RHBDD1: variants seen among roughly 807,000 people sequenced by gnomAD.
RHBDD1 encodes rhomboid-related protein 4.
A neutral mutation model predicts 36.3 loss-of-function variants in RHBDD1; 38 were observed. The ratio of observed to expected loss-of-function variants is 1.05; its 90% CI spans 0.81 to 1.37. The LOEUF (loss-of-function observed/expected upper bound fraction) is 1.37, where lower values mean the gene tolerates loss of function less well. Among genes scored for constraint, RHBDD1 ranks in the 40% most tolerant of loss-of-function variants. The probability of loss-of-function intolerance (pLI) is 0.00; values close to 1 mark genes in which losing one functional copy is unlikely to be tolerated. For synonymous variants in RHBDD1, 151 were observed against 136.5 expected, an observed-to-expected ratio of 1.11 and a Z score of -0.74; for missense variants, 393 against 377.6, an observed-to-expected ratio of 1.04 and a Z score of -0.34.
At chr2:226,875,260 G>GC (rs1945135574) in intron 5 of RHBDD1, among the ~76,000 whole-genome samples, 1 of 152,138 alleles carries the variant, frequency 6.6e-6, no homozygotes, top group Non-Finnish European at 1.5e-5. Context: ...GAAATGGCTT[G>GC]CTAGATTGCT....
chr2:226,928,592 G>A (rs1483235125), intron 8 of RHBDD1, among the ~76,000 whole-genome samples: 4 of 151,802 alleles, frequency 2.6e-5, no homozygotes, highest in Admixed American at 2.6e-4. Flanking sequence ...ACACGTCAAG[G>A]AAGTAGAGAA....
chr2:226,897,128 C>A (rs897572220), intron 5 of RHBDD1, among the ~76,000 whole-genome samples: 1 of 152,144 alleles, frequency 6.6e-6, no homozygotes, highest in Non-Finnish European at 1.5e-5. Context: ...ATACCAAATT[C>A]TTCCTGCCTC....
the RHBDD1 span, among the ~76,000 whole-genome samples, chr2:226,826,047 G>C: frequency 5.3e-5 from 8 of 152,320 alleles, no homozygotes; most frequent in African/African-American, 1.7e-4. Context: ...ATGTTAGATA[G>C]AGGAGTGATA....
At chr2:226,881,820 T>C (rs907708044) in intron 5 of RHBDD1, among the ~76,000 whole-genome samples, 8 of 152,236 alleles carry the variant, frequency 5.3e-5, no homozygotes, top group Non-Finnish European at 8.8e-5. Context: ...CCGTTCTTTA[T>C]TTGTGAAATG....
At chr2:226,894,379 C>T (rs1946924913) in intron 5 of RHBDD1, among the ~76,000 whole-genome samples, 2 of 152,134 alleles carry the variant, frequency 1.3e-5, no homozygotes, top group African/African-American at 4.8e-5. Flanking sequence ...AAGTGATTCT[C>T]CTGCCTCAGC....
intron 8 of RHBDD1, among the ~76,000 whole-genome samples, chr2:226,950,411 T>G (rs1025949591): frequency 6.6e-6 from 1 of 152,242 alleles, no homozygotes. Context: ...GTATTCATTG[T>G]GTATATGTTA....
chr2:226,929,916 AAAAAC>A (rs764912279), intron 8 of RHBDD1, among the ~76,000 whole-genome samples: 17 of 152,034 alleles, frequency 1.1e-4, no homozygotes, highest in South Asian at 2.1e-4. Context: ...AAACAAAACA[AAAAAC>A]AAAACAAAAC....
intron 8 of RHBDD1, among the ~76,000 whole-genome samples, chr2:226,993,635 G>C (rs1192222416): frequency 6.6e-6 from 1 of 152,162 alleles, no homozygotes; most frequent in East Asian, 1.9e-4. Flanking sequence ...AGTCAGGAAG[G>C]GTACCAGGGG....
Position 226,995,467 on chromosome 2 carries a change from A to C in RHBDD1, c.893A>C (p.His298Pro), listed in dbSNP as rs1252691369. 1 of 1,613,332 alleles carries C rather than the reference A, an allele frequency of 6.2e-7. No individual in the cohort carries two copies. Among genetic ancestry groups the C allele is most frequent in the East Asian group, 2.2e-5 (1 of 44,880 alleles). Residue 298 changes from histidine (H) to proline (P), a missense_variant, in exon 9 of 9, where the codon CAT becomes CCT. Coordinates refer to ENST00000392062, the MANE Select transcript of RHBDD1 (RefSeq NM_001167608.3). ...TRNSPPPYGF[H>P]LSPEEMRRQR... is the part of the protein sequence containing the mutation. ...AATAGCCCACCACCCTACGGGTTTCATCTCTCACCAGAAGAAATGAGGAGA... is the reference window on the plus strand; with the variant it reads ...AATAGCCCACCACCCTACGGGTTTCCTCTCTCACCAGAAGAAATGAGGAGA...
the RHBDD1 span, among the ~76,000 whole-genome samples, chr2:226,821,844 T>C: frequency 6.6e-6 from 1 of 152,206 alleles, no homozygotes; most frequent in African/African-American, 2.4e-5. Context: ...CATATTTTAA[T>C]CTTTTTGTCA....
chr2:226,900,850 C>T (rs960724214), intron 5 of RHBDD1, among the ~76,000 whole-genome samples: 2 of 152,144 alleles, frequency 1.3e-5, no homozygotes, highest in African/African-American at 4.8e-5. Flanking sequence ...TCTGTTACTT[C>T]AAGTAGTTAG....
At chr2:226,972,099 C>G (rs1447080795) in intron 8 of RHBDD1, among the ~76,000 whole-genome samples, 1 of 152,022 alleles carries the variant, frequency 6.6e-6, no homozygotes, top group Non-Finnish European at 1.5e-5. Flanking sequence ...TCCCAACAGG[C>G]CTTGGTGTGT....
intron 5 of RHBDD1, among the ~76,000 whole-genome samples, chr2:226,876,873 G>A (rs1945283490): frequency 6.6e-6 from 1 of 152,018 alleles, no homozygotes; most frequent in Non-Finnish European, 1.5e-5. Context: ...ACATAGATAA[G>A]TTTATGAAAA....
intron 2 of RHBDD1, among the ~76,000 whole-genome samples, chr2:226,838,559 TA>T (rs1941261851): frequency 6.6e-6 from 1 of 152,186 alleles, no homozygotes; most frequent in East Asian, 1.9e-4. Context: ...AAATAACGCA[TA>T]AAACACGTCC....
intron 8 of RHBDD1, among the ~76,000 whole-genome samples, chr2:226,929,041 CA>C (rs1246288080): frequency 2.0e-5 from 3 of 152,004 alleles, no homozygotes; most frequent in Non-Finnish European, 4.4e-5. Context: ...AACCCAGTGC[CA>C]GACAGATTCA....
intron 3 of RHBDD1, among the ~76,000 whole-genome samples, chr2:226,848,852 C>A (rs1942498526): frequency 6.6e-6 from 1 of 152,088 alleles, no homozygotes; most frequent in Non-Finnish European, 1.5e-5. Context: ...AATAATAATA[C>A]CTAATTTATA....
intron 8 of RHBDD1, among the ~76,000 whole-genome samples, chr2:226,962,411 T>A (rs764044505): frequency 6.6e-6 from 1 of 152,264 alleles, no homozygotes; most frequent in Non-Finnish European, 1.5e-5. Context: ...TGTTGACAGT[T>A]CTAATTAATA....
chr2:226,993,125 C>T (rs1461615356), intron 8 of RHBDD1, among the ~76,000 whole-genome samples: 1 of 152,150 alleles, frequency 6.6e-6, no homozygotes, highest in Non-Finnish European at 1.5e-5. Context: ...AGAGCTGGAC[C>T]TCGGGCATCT....
chr2:226,876,666 G>A (rs1368090108), intron 5 of RHBDD1, among the ~76,000 whole-genome samples: 1 of 151,982 alleles, frequency 6.6e-6, no homozygotes, highest in African/African-American at 2.4e-5. Context: ...TCAAACTTTT[G>A]ATCATAAAAC....
Sources: gnomAD v4.1 joint callset for allele counts (sites outside exome capture counted in the v4.1 genomes callset) on GRCh38, gnomAD v4.1.1 for gene constraint, MANE v1.5 for transcripts, NCBI Gene and HGNC (gene_info 2026-07-23, HGNC 2026-07-21) for gene names.